Variants in CCDC73 observed in about 807,000 individuals in gnomAD.
The protein encoded by CCDC73 is coiled-coil domain-containing protein 73.
Under a neutral mutation model 116.5 loss-of-function variants are expected in CCDC73, and 95 were observed. The ratio of observed to expected loss-of-function variants is 0.82; its 90% CI spans 0.69 to 0.97. The LOEUF (loss-of-function observed/expected upper bound fraction) is 0.97. Among genes scored for constraint, CCDC73 ranks in the 50% least tolerant of loss-of-function variants. The pLI is 0.00. For missense variants in CCDC73, 1,066 were observed against 1,206.8 expected (o/e 0.88, Z 1.73); for synonymous variants, 398 against 401.3 (o/e 0.99, Z 0.10).
intron 17 of CCDC73, chr11:32,604,840 T>C (rs1287050886): frequency 6.6e-6 from 1 of 152,144 alleles, no homozygotes; most frequent in Non-Finnish European, 1.5e-5. Context: ...TGTTAGATTA[T>C]GTAGTACTAA....
chr11:32,810,587 T>C, the CCDC73 span, among the ~76,000 whole-genome samples: 4 of 151,622 alleles, frequency 2.6e-5, no homozygotes, highest in Non-Finnish European at 5.9e-5. Context: ...TTTTCACCCT[T>C]TTAGTTTCTA....
the CCDC73 span, among the ~76,000 whole-genome samples, chr11:32,820,009 T>A: frequency 6.6e-6 from 1 of 152,206 alleles, no homozygotes; most frequent in Non-Finnish European, 1.5e-5. Context: ...TCTCCTAATT[T>A]TTCTATAATA....
intron 12 of CCDC73, among the ~76,000 whole-genome samples, chr11:32,652,393 C>T (rs1026678176): frequency 1.3e-5 from 2 of 152,004 alleles, no homozygotes; most frequent in African/African-American, 4.8e-5. Flanking sequence ...GAACTTATCA[C>T]ATTTTACTTT....
chr11:32,692,616 G>A (rs1419106538), intron 6 of CCDC73, among the ~76,000 whole-genome samples: 10 of 152,074 alleles, frequency 6.6e-5, no homozygotes, highest in Non-Finnish European at 1.0e-4. Context: ...TGGGTTTTAC[G>A]ACATCTACCT....
intron 9 of CCDC73, among the ~76,000 whole-genome samples, chr11:32,663,846 T>C (rs1490703489): frequency 1.3e-5 from 2 of 152,218 alleles, no homozygotes; most frequent in Admixed American, 6.5e-5. Context: ...TATTTTGAGA[T>C]ACATCCCATC....
At chr11:32,728,457 A>C (rs1229608819) in intron 2 of CCDC73, among the ~76,000 whole-genome samples, 2 of 152,088 alleles carry the variant, frequency 1.3e-5, no homozygotes, top group Non-Finnish European at 2.9e-5. Flanking sequence ...CCAGCACTGC[A>C]AGATGCCCAG....
At chr11:32,812,851 A>T in the CCDC73 span, among the ~76,000 whole-genome samples, 2 of 151,970 alleles carry the variant, frequency 1.3e-5, no homozygotes, top group African/African-American at 4.8e-5. Flanking sequence ...CAAGAAAAAG[A>T]AAAAAAATAC....
chr11:32,663,347 T>C (rs1289732621), intron 9 of CCDC73, among the ~76,000 whole-genome samples: 1 of 152,252 alleles, frequency 6.6e-6, no homozygotes, highest in Non-Finnish European at 1.5e-5. Context: ...TTGTGTCCTC[T>C]TTTATTTCAT....
At chr11:32,624,940 C>T (rs944823584) in intron 14 of CCDC73, among the ~76,000 whole-genome samples, 1 of 152,190 alleles carries the variant, frequency 6.6e-6, no homozygotes, top group Non-Finnish European at 1.5e-5. Flanking sequence ...GACAGAAAAC[C>T]AAACACCGCA....
intron 17 of CCDC73, among the ~76,000 whole-genome samples, chr11:32,607,242 G>T (rs942068294): frequency 6.7e-6 from 1 of 149,224 alleles, no homozygotes; most frequent in African/African-American, 2.5e-5. Flanking sequence ...ACAGGCGCCC[G>T]CCACTACGCC....
At chr11:32,777,091 T>TTTC (rs1565099408) in intron 1 of CCDC73, among the ~76,000 whole-genome samples, 1 of 144,156 alleles carries the variant, frequency 6.9e-6, no homozygotes, top group African/African-American at 2.5e-5. Context: ...GTAATCTTTT[T>TTTC]TTTCTTTCTT....
the CCDC73 span, among the ~76,000 whole-genome samples, chr11:32,825,620 T>A: frequency 6.6e-6 from 1 of 152,182 alleles, no homozygotes; most frequent in African/African-American, 2.4e-5. Context: ...AACAAATGAT[T>A]CTTAAACACC....
At chr11:32,694,006 A>G (rs1217769165) in intron 6 of CCDC73, among the ~76,000 whole-genome samples, 1 of 152,260 alleles carries the variant, frequency 6.6e-6, no homozygotes, top group Non-Finnish European at 1.5e-5. Context: ...AACTGGCACA[A>G]GACAGGGATG....
Position 32,616,092 on chromosome 11 carries a change from G to T in CCDC73, c.1223C>A (p.Ser408Ter). The change falls in exon 15 of 18, where the codon TCA (serine) becomes TAA (stop). Residue 408 changes from serine (S) to a stop codon, truncating the protein, a stop_gained. Coordinates refer to ENST00000335185, the MANE Select transcript of CCDC73 (RefSeq NM_001008391.4). LOFTEE classifies it high-confidence loss of function. ...PEVNNENSEM[S>*]TEKSENTIIQ... ...AATGGTGTTTTCTGATTTTTCAGTT[G>T]ACATTTCACTGTTTTCATTATTTAC... The T allele has an allele frequency of 6.3e-7, 1 of 1,580,916 alleles. No individual in the cohort carries two copies.
At chr11:32,700,878 C>CCCTT in intron 4 of CCDC73, 52 bp from the exon 5 acceptor site, 4 of 818,758 alleles carry the variant, frequency 4.9e-6, no homozygotes, top group Non-Finnish European at 7.4e-6. Flanking sequence ...TAACAGTGAT[C>CCCTT]TATACTGGTC....
intron 2 of CCDC73, among the ~76,000 whole-genome samples, chr11:32,750,570 G>A (rs756263508): frequency 3.9e-5 from 6 of 152,042 alleles, no homozygotes; most frequent in East Asian, 1.9e-4. Context: ...GGTTCTTCCC[G>A]TTCTTCCCTC....
intron 14 of CCDC73, among the ~76,000 whole-genome samples, chr11:32,628,389 A>G (rs1042944928): frequency 3.9e-5 from 6 of 152,226 alleles, no homozygotes; most frequent in African/African-American, 1.4e-4. Flanking sequence ...CGCTACCCAG[A>G]AAAAGAGCTC....
At chr11:32,609,876 T>C (rs960873769) in intron 17 of CCDC73, among the ~76,000 whole-genome samples, 1 of 152,094 alleles carries the variant, frequency 6.6e-6, no homozygotes, top group African/African-American at 2.4e-5. Flanking sequence ...ACCTCCTGGG[T>C]TCACGCCATT....
upstream of CCDC73, among the ~76,000 whole-genome samples, chr11:32,795,979 C>T (rs572060950): frequency 5.9e-5 from 9 of 152,196 alleles, no homozygotes; most frequent in Admixed American, 2.6e-4. Flanking sequence ...CATGAGCCAC[C>T]GCAGCCGGCC....
Sources: allele counts gnomAD v4.1 joint callset (sites outside exome capture counted in the v4.1 genomes callset), GRCh38; gene constraint gnomAD v4.1.1; transcripts MANE v1.5; gene names NCBI Gene and HGNC (gene_info 2026-07-23, HGNC 2026-07-21).